Variants in ANHX observed in about 807,000 individuals in gnomAD.
The protein encoded by ANHX is anomalous homeobox protein.
In ANHX, 20 loss-of-function variants were observed where a neutral mutation model predicts 38.9. The ratio of observed to expected loss-of-function variants is 0.51; its 90% CI spans 0.36 to 0.75. ANHX has a LOEUF of 0.75. ANHX is among the 30% of genes least tolerant of loss of function. ANHX has a pLI of 0.00. For missense variants in ANHX, 475 were observed against 493.1 expected (o/e 0.96, Z 0.35); for synonymous variants, 185 against 203.1 (o/e 0.91, Z 0.76).
chr12:133,226,929 C>A lies in ANHX; in HGVS notation c.718+7G>T. ...CACAAGGAGACTGGGGCCCTCAGGCCACTCACCTGACCACTGAGGCCTGTC... is the reference window on the plus strand; with the variant it reads ...CACAAGGAGACTGGGGCCCTCAGGCAACTCACCTGACCACTGAGGCCTGTC... On this transcript the variant is annotated splice_region_variant and intron_variant, in intron 5 of 9. Coordinates refer to ENST00000545940, the MANE Select transcript of ANHX (RefSeq NM_001372060.1). 1 of 1,510,134 alleles carries A rather than the reference C, an allele frequency of 6.6e-7. No individual in the cohort carries two copies. The highest frequency in any genetic ancestry group is 1.2e-5 in the South Asian group (1 of 80,250). The allele number at this position is 1,510,134 out of a possible 1,614,324, so 93.5% of individuals were successfully genotyped here.
rs950156127 is a variant in ANHX at position 133,219,040 on chromosome 12, G to A, written c.1366-69C>T. On this transcript the variant is annotated intron_variant, in intron 9 of 9. Transcript: ENST00000545940. ...GCTCAAGACCTGCCCTCCCACCTGG[G>A]CACCTCCTGACCTTGGGAAGACCCC... 3.1e-4 allele frequency: 432 copies of A among 1,407,076 alleles called. 1 individual carries two copies. The highest frequency in any genetic ancestry group is 3.9e-4 in the Non-Finnish European group (404 of 1,042,752). The allele number at this position is 1,407,076 out of a possible 1,614,324, so 87.2% of individuals were successfully genotyped here.
At chr12:133,228,002 C>A in intron 3 of ANHX, 55 bp from the exon 4 acceptor site, 1 of 1,528,432 alleles carries the variant, frequency 6.5e-7, no homozygotes. Flanking sequence ...AAATCTGTTC[C>A]CTTCTCCAGG....
chr12:133,223,448 T>C (rs558364022), intron 7 of ANHX, among the ~76,000 whole-genome samples: 1 of 145,666 alleles, frequency 6.9e-6, no homozygotes, highest in African/African-American at 2.5e-5. Flanking sequence ...CTTTATTCTT[T>C]TTTTTTTTTT....
intron 2 of ANHX, 139 bp from the exon 3 acceptor site, chr12:133,231,783 G>A (rs1957282251): frequency 8.9e-7 from 1 of 1,128,550 alleles, no homozygotes; most frequent in South Asian, 1.6e-5. Context: ...CAAATTCACT[G>A]ATTTTACAAA....
intron 7 of ANHX, among the ~76,000 whole-genome samples, chr12:133,223,447 T>C (rs994687502): frequency 2.2e-5 from 3 of 133,668 alleles, no homozygotes; most frequent in African/African-American, 8.2e-5. Context: ...ACTTTATTCT[T>C]TTTTTTTTTT....
At position 133,221,638 on chromosome 12, in the gene ANHX, CCAGT is replaced by C. The variant is rs1957110064; in HGVS notation, c.1133-290_1133-287del. ...TCGCAGACCTCATGTGCCCTCGGTG[CCAGT>C]CAGAGTCTGCAGCTTGCTCCGTCCT... On this transcript the variant is annotated intron_variant, in intron 7 of 9. Coordinates refer to ENST00000545940, the MANE Select transcript of ANHX (RefSeq NM_001372060.1). The surrounding 1 kb of genome is among the most constrained non-coding windows in gnomAD (Gnocchi z 4.1). 1.3e-5 allele frequency among the ~76,000 whole-genome samples: 2 copies of C among 152,114 alleles called. No individual in the cohort carries two copies. Among genetic ancestry groups the C allele is most frequent in the African/African-American group, 4.8e-5 (2 of 41,424 alleles).
At chr12:133,226,862 G>C (rs748113495) in intron 5 of ANHX, 74 bp downstream of exon 5, 112 of 1,357,248 alleles carry the variant, frequency 8.3e-5, no homozygotes, top group Non-Finnish European at 1.0e-4. Flanking sequence ...TAAGCAGTGT[G>C]ACTACCTAGG....
At chr12:133,226,854 A>G in intron 5 of ANHX, 82 bp downstream of exon 5, 1 of 1,296,446 alleles carries the variant, frequency 7.7e-7, no homozygotes, top group East Asian at 2.5e-5. Context: ...TACCCCTGTA[A>G]GCAGTGTGAC....
At chr12:133,232,935 G>C (rs559457990) in intron 2 of ANHX, among the ~76,000 whole-genome samples, 1 of 151,914 alleles carries the variant, frequency 6.6e-6, no homozygotes, top group African/African-American at 2.4e-5. Flanking sequence ...CAACCTTCTA[G>C]TTACAAACAG....
rs962967617 is a variant in ANHX at position 133,221,855 on chromosome 12, C to A, written c.1133-503G>T. ...TTCCAGAGCGTATCTCAGAACATCT[C>A]TCACTCTTAGACAAGCTACTGTGGT... On this transcript the variant is annotated intron_variant, in intron 7 of 9. Transcript: ENST00000545940. The surrounding 1 kb of genome is among the most constrained non-coding windows in gnomAD (Gnocchi z 4.1). 1.3e-5 allele frequency among the ~76,000 whole-genome samples: 2 copies of A among 152,220 alleles called. No individual in the cohort carries two copies. The highest frequency in any genetic ancestry group is 6.5e-5 in the Admixed American group (1 of 15,282).
chr12:133,224,839 C>A (rs544828948), intron 7 of ANHX, among the ~76,000 whole-genome samples: 2 of 137,312 alleles, frequency 1.5e-5, no homozygotes, highest in Admixed American at 7.3e-5. Context: ...TGGTGGCGGG[C>A]GCCTGTAGTC....
At chr12:133,223,971 G>T (rs1957149559) in intron 7 of ANHX, among the ~76,000 whole-genome samples, 1 of 152,168 alleles carries the variant, frequency 6.6e-6, no homozygotes, top group Admixed American at 6.6e-5. Flanking sequence ...ACAGATTAAA[G>T]ACATTTTTAG....
chr12:133,231,102 T>C (rs1361419797), intron 3 of ANHX, among the ~76,000 whole-genome samples: 1 of 152,164 alleles, frequency 6.6e-6, no homozygotes. Context: ...TTGTGGGGAT[T>C]AGATGACCTG....
chr12:133,224,823 C>G (rs868094826), intron 7 of ANHX, among the ~76,000 whole-genome samples: 4 of 150,590 alleles, frequency 2.7e-5, no homozygotes, highest in African/African-American at 7.4e-5. Flanking sequence ...AAAAATTAGC[C>G]AGGCGTGGTG....
intron 3 of ANHX, among the ~76,000 whole-genome samples, chr12:133,230,802 A>G (rs1404612144): frequency 6.6e-6 from 1 of 152,028 alleles, no homozygotes; most frequent in Non-Finnish European, 1.5e-5. Context: ...TGTCTGGGCT[A>G]GCGTCCTGGC....
At chr12:133,223,906 A>G (rs1055740885) in intron 7 of ANHX, among the ~76,000 whole-genome samples, 12 of 152,162 alleles carry the variant, frequency 7.9e-5, no homozygotes, top group Non-Finnish European at 1.0e-4. Flanking sequence ...TGAGGGGGGG[A>G]AAAGCATTTC....
chr12:133,220,355 C>T (rs1480685944), intron 8 of ANHX, among the ~76,000 whole-genome samples: 3 of 152,122 alleles, frequency 2.0e-5, no homozygotes, highest in Non-Finnish European at 4.4e-5. Context: ...AGGCGAGACA[C>T]ACAAGGGGAC....
chr12:133,222,573 CGTCA>C (rs1435200081), intron 7 of ANHX, among the ~76,000 whole-genome samples: 2 of 152,084 alleles, frequency 1.3e-5, no homozygotes, highest in South Asian at 2.1e-4. Flanking sequence ...ACGCCAGCCT[CGTCA>C]GTAAGTACAG....
chr12:133,218,860 G>T lies in ANHX; in HGVS notation c.*25C>A, dbSNP rs1365145222. ...ACCATCCACACCCGCTCCTCCTGGG[G>T]TGCTGTCTGGCTCCTGGGGATAGCT... On this transcript the variant is annotated 3_prime_UTR_variant, in exon 10 of 10. Transcript: ENST00000545940. 3 of 1,476,574 alleles carry T rather than the reference G, an allele frequency of 2.0e-6. No individual in the cohort carries two copies. The highest frequency in any genetic ancestry group is 5.0e-5 in the East Asian group (2 of 39,834). 91.5% of individuals were successfully genotyped at this position (1,476,574 alleles called of 1,614,324 possible). A position where few individuals can be genotyped will look rare whatever the true frequency, so the allele number is the denominator to read the frequency against.
Sources: allele counts gnomAD v4.1 joint callset (sites outside exome capture counted in the v4.1 genomes callset), GRCh38; gene constraint gnomAD v4.1.1; non-coding constraint Gnocchi (gnomAD v3.1); transcripts MANE v1.5; gene names NCBI Gene and HGNC (gene_info 2026-07-23, HGNC 2026-07-21).